Variants in AGTPBP1 observed in about 807,000 individuals in gnomAD.
AGTPBP1 encodes the protein cytosolic carboxypeptidase 1.
AGTPBP1 carries 70 observed loss-of-function variants against 143.9 expected under a neutral mutation model. The ratio of observed to expected loss-of-function variants is 0.49; its 90% CI spans 0.40 to 0.59. AGTPBP1 has a LOEUF of 0.59. Among genes scored for constraint, AGTPBP1 ranks in the 20% least tolerant of loss-of-function variants. The probability of loss-of-function intolerance (pLI) is 0.00; values close to 1 mark genes in which losing one functional copy is unlikely to be tolerated. For synonymous variants in AGTPBP1, 463 were observed against 500.2 expected, an observed-to-expected ratio of 0.93 and a Z score of 0.99; for missense variants, 1,229 against 1,464.5, an observed-to-expected ratio of 0.84 and a Z score of 2.62.
chr9:85,735,178 A>G (rs1411649329), intron 1 of AGTPBP1, among the ~76,000 whole-genome samples: 2 of 152,258 alleles, frequency 1.3e-5, no homozygotes, highest in Non-Finnish European at 2.9e-5. Context: ...GTATATACAT[A>G]TAACAGATTA....
intron 3 of AGTPBP1, among the ~76,000 whole-genome samples, chr9:85,685,834 A>G (rs1201863456): frequency 6.6e-6 from 1 of 152,160 alleles, no homozygotes; most frequent in Non-Finnish European, 1.5e-5. Flanking sequence ...ATCACAGCTG[A>G]AGAATGGTAG....
chr9:85,606,095 T>C (rs1829972906), intron 17 of AGTPBP1, among the ~76,000 whole-genome samples: 1 of 151,808 alleles, frequency 6.6e-6, no homozygotes, highest in South Asian at 2.1e-4. Flanking sequence ...AAGGAAACAA[T>C]CAACAGGGTG....
At chr9:85,603,062 T>C (rs1829769805) in intron 17 of AGTPBP1, among the ~76,000 whole-genome samples, 1 of 152,156 alleles carries the variant, frequency 6.6e-6, no homozygotes, top group Admixed American at 6.5e-5. Context: ...GCGTCCTACA[T>C]AAACTTGAAA....
intron 25 of AGTPBP1, among the ~76,000 whole-genome samples, chr9:85,564,120 C>T (rs1291408627): frequency 3.9e-5 from 6 of 152,244 alleles, no homozygotes; most frequent in Non-Finnish European, 7.3e-5. Context: ...CCAGCAAAGC[C>T]ATGGGGGCAG....
At position 85,575,613 on chromosome 9, in the gene AGTPBP1, C is replaced by T. The variant is rs1056567489; in HGVS notation, c.3343-138G>A. Reference sequence around the variant, plus strand: ...TGGTACTTTGTATGGAACTAGGACTCAACAAGTTTAACATCTTAACAATAC... The same window carrying T: ...TGGTACTTTGTATGGAACTAGGACTTAACAAGTTTAACATCTTAACAATAC... On this transcript the variant is annotated intron_variant, in intron 24 of 25. Coordinates refer to ENST00000357081, the MANE Select transcript of AGTPBP1 (RefSeq NM_001330701.2). 6.6e-6 allele frequency: 4 copies of T among 603,402 alleles called. No individual in the cohort carries two copies. In the African/African-American group the frequency reaches 7.8e-5, roughly 12 times the overall value. The allele number at this position is 603,402 out of a possible 1,614,324, so 37.4% of individuals were successfully genotyped here.
chr9:85,572,634 T>C (rs767193226), intron 25 of AGTPBP1, among the ~76,000 whole-genome samples: 8 of 152,302 alleles, frequency 5.3e-5, no homozygotes, highest in East Asian at 3.9e-4. Context: ...ATCATAACCA[T>C]AGTTGTGAAG....
intron 6 of AGTPBP1, among the ~76,000 whole-genome samples, chr9:85,674,638 C>T (rs987754567): frequency 1.3e-5 from 2 of 151,848 alleles, no homozygotes; most frequent in African/African-American, 4.8e-5. Context: ...TAACATATTC[C>T]TTAAATAAAC....
chr9:85,594,265 T>C (rs1015664709), intron 18 of AGTPBP1, among the ~76,000 whole-genome samples: 1 of 152,234 alleles, frequency 6.6e-6, no homozygotes, highest in African/African-American at 2.4e-5. Context: ...ACAAGCATCA[T>C]AGGACTTAGC....
chr9:85,791,289 G>C, the AGTPBP1 span, among the ~76,000 whole-genome samples: 10 of 151,732 alleles, frequency 6.6e-5, no homozygotes, highest in African/African-American at 2.4e-4. Context: ...CAGGAGAACT[G>C]CTTGTACTCA....
At chr9:85,704,813 AT>A (rs143335231) in intron 2 of AGTPBP1, among the ~76,000 whole-genome samples, 2,129 of 152,300 alleles carry the variant, frequency 0.014, 55 homozygotes, top group African/African-American at 0.048. Context: ...AAACAAGGAT[AT>A]TAAAATAGGT....
intron 2 of AGTPBP1, among the ~76,000 whole-genome samples, chr9:85,702,019 T>C (rs1045713634): frequency 2.6e-5 from 4 of 152,212 alleles, no homozygotes; most frequent in African/African-American, 9.7e-5. Flanking sequence ...TCTTTTTACC[T>C]AGCTACCCAA....
At chr9:85,749,067 A>T in the AGTPBP1 span, among the ~76,000 whole-genome samples, 8 of 135,766 alleles carry the variant, frequency 5.9e-5, no homozygotes, top group African/African-American at 2.3e-4. Flanking sequence ...CAGTGGTGTG[A>T]TCGTGGCTCA....
At chr9:85,622,395 T>C (rs1033011937) in intron 14 of AGTPBP1, among the ~76,000 whole-genome samples, 4 of 152,160 alleles carry the variant, frequency 2.6e-5, no homozygotes, top group Admixed American at 1.3e-4. Flanking sequence ...TCACATAGTT[T>C]AGAAATATAT....
intron 1 of AGTPBP1, among the ~76,000 whole-genome samples, chr9:85,731,625 T>C (rs1838886514): frequency 6.6e-6 from 1 of 152,082 alleles, no homozygotes; most frequent in Admixed American, 6.6e-5. Flanking sequence ...GTTTTTTCCA[T>C]TCTTTGTAGA....
At chr9:85,583,341 T>C (rs749964732) in intron 23 of AGTPBP1, among the ~76,000 whole-genome samples, 6 of 152,050 alleles carry the variant, frequency 3.9e-5, no homozygotes, top group Non-Finnish European at 8.8e-5. Context: ...TTGACACACA[T>C]GCACACACAC....
At chr9:85,618,431 T>C (rs1830718973) in intron 17 of AGTPBP1, among the ~76,000 whole-genome samples, 1 of 151,998 alleles carries the variant, frequency 6.6e-6, no homozygotes, top group African/African-American at 2.4e-5. Context: ...CAAAAGCAGA[T>C]ACAGTACCAA....
chr9:85,755,834 A>C, the AGTPBP1 span, among the ~76,000 whole-genome samples: 4 of 152,328 alleles, frequency 2.6e-5, no homozygotes, highest in African/African-American at 9.6e-5. Flanking sequence ...CAGGCTAAAA[A>C]ATCCTAGACT....
chr9:85,756,515 TGATGGATGGATG>T, the AGTPBP1 span, among the ~76,000 whole-genome samples: 1 of 146,546 alleles, frequency 6.8e-6, no homozygotes, highest in East Asian at 1.9e-4. Flanking sequence ...GTGGATGGAT[TGATGGATGGATG>T]GATGGATGGA....
At chr9:85,725,385 G>C (rs1838403645) in intron 1 of AGTPBP1, among the ~76,000 whole-genome samples, 1 of 152,144 alleles carries the variant, frequency 6.6e-6, no homozygotes, top group Non-Finnish European at 1.5e-5. Flanking sequence ...ATTAACAATT[G>C]TGTTAGAAAT....
Sources: allele counts gnomAD v4.1 joint callset (sites outside exome capture counted in the v4.1 genomes callset), GRCh38; gene constraint gnomAD v4.1.1; transcripts MANE v1.5; gene names NCBI Gene and HGNC (gene_info 2026-07-23, HGNC 2026-07-21).